The following NR3C1 variants were observed in gnomAD, a reference collection of about 807,000 sequenced individuals.
NR3C1 encodes nuclear receptor subfamily 3 group C member 1.
A neutral mutation model predicts 74.0 loss-of-function variants in NR3C1; 14 were observed. The ratio of observed to expected loss-of-function variants is 0.19; its 90% CI spans 0.12 to 0.30. NR3C1 has a LOEUF of 0.30. Among genes scored for constraint, NR3C1 ranks in the 10% least tolerant of loss-of-function variants. The probability of loss-of-function intolerance (pLI) is 1.00; values close to 1 mark genes in which losing one functional copy is unlikely to be tolerated. For synonymous variants in NR3C1, 308 were observed against 332.5 expected (o/e 0.93, Z 0.80); for missense variants, 695 against 909.8 (o/e 0.76, Z 3.04).
intron 2 of NR3C1, among the ~76,000 whole-genome samples, chr5:143,348,563 A>C (rs1015165609): frequency 6.6e-6 from 1 of 152,140 alleles, no homozygotes; most frequent in Admixed American, 6.6e-5. Context: ...TGTCCTTTTC[A>C]TGGTAAATTT....
intron 7 of NR3C1, among the ~76,000 whole-genome samples, chr5:143,284,098 G>A (rs771001252): frequency 3.0e-4 from 46 of 152,054 alleles, no homozygotes; most frequent in Non-Finnish European, 5.0e-4. Context: ...TTTTTTTCCC[G>A]AGACAGAGTC....
chr5:143,291,065 A>G (rs1005652704), intron 7 of NR3C1, among the ~76,000 whole-genome samples: 2 of 151,736 alleles, frequency 1.3e-5, no homozygotes, highest in Non-Finnish European at 2.9e-5. Flanking sequence ...TGCATACCCT[A>G]TTTCTAGTTG....
chr5:143,395,384 T>C (rs1174480710), intron 2 of NR3C1, among the ~76,000 whole-genome samples: 1 of 151,890 alleles, frequency 6.6e-6, no homozygotes, highest in Admixed American at 6.6e-5. Flanking sequence ...TTTTTTTTTG[T>C]AGTTATAGCT....
At chr5:143,409,452 G>A (rs532911127) in intron 1 of NR3C1, among the ~76,000 whole-genome samples, 6 of 152,176 alleles carry the variant, frequency 3.9e-5, no homozygotes, top group East Asian at 3.9e-4. Context: ...CCATGTATAC[G>A]TGTATTGTGT....
chr5:143,377,672 T>C (rs1321653282), intron 2 of NR3C1, among the ~76,000 whole-genome samples: 11 of 152,250 alleles, frequency 7.2e-5, no homozygotes, highest in Admixed American at 2.0e-4. Flanking sequence ...TGATACACCC[T>C]ATCAGCAGGC....
chr5:143,374,363 G>GC (rs1288348334), intron 2 of NR3C1, among the ~76,000 whole-genome samples: 2 of 152,038 alleles, frequency 1.3e-5, no homozygotes, highest in African/African-American at 2.4e-5. Context: ...GCGGTGGCAG[G>GC]CCCTGTAGTC....
intron 1 of NR3C1, among the ~76,000 whole-genome samples, chr5:143,428,132 C>T (rs940395374): frequency 2.0e-5 from 3 of 152,130 alleles, no homozygotes; most frequent in Non-Finnish European, 2.9e-5. Context: ...GACTTACAGG[C>T]GAATAGATTC....
At chr5:143,385,516 G>A (rs1021811897) in intron 2 of NR3C1, among the ~76,000 whole-genome samples, 9 of 152,126 alleles carry the variant, frequency 5.9e-5, no homozygotes, top group African/African-American at 2.2e-4. Flanking sequence ...ATGTTGTTAG[G>A]AGCAGCCAGG....
At chr5:143,346,433 TA>T (rs1829299886) in intron 2 of NR3C1, among the ~76,000 whole-genome samples, 1 of 152,234 alleles carries the variant, frequency 6.6e-6, no homozygotes, top group Admixed American at 6.5e-5. Flanking sequence ...TCTAGCCTTT[TA>T]ACAAAGTCAG....
At chr5:143,332,914 C>T in intron 2 of NR3C1, 2 of 1,531,700 alleles carry the variant, frequency 1.3e-6, no homozygotes, top group African/African-American at 2.7e-5. Context: ...CCTTATGTGA[C>T]CTGGGGATTT....
chr5:143,297,752 A>G (rs1398478953), intron 6 of NR3C1, among the ~76,000 whole-genome samples: 3 of 152,252 alleles, frequency 2.0e-5, no homozygotes, highest in Non-Finnish European at 4.4e-5. Flanking sequence ...CAAGGTAGAA[A>G]GTGAGAGTAA....
chr5:143,330,189 TTAAA>T lies in NR3C1; in HGVS notation c.1185-16025_1185-16022del, dbSNP rs374159567. ...TTGCTAACATTTTAGAAACTGTATG[TTAAA>T]TAAAGAAGAAACATTTAAAGCAAGT... is the stretch of plus-strand genomic sequence containing the variant. On this transcript the variant is annotated intron_variant, in intron 2 of 8. Transcript: ENST00000394464. 3.2e-4 allele frequency among the ~76,000 whole-genome samples: 48 copies of T among 152,298 alleles called. No individual in the cohort carries two copies. The East Asian group carries it at 6.5e-3, about 21-fold the overall frequency.
At chr5:143,293,545 C>T (rs1383568834) in intron 7 of NR3C1, among the ~76,000 whole-genome samples, 1 of 152,120 alleles carries the variant, frequency 6.6e-6, no homozygotes, top group Non-Finnish European at 1.5e-5. Flanking sequence ...AGATTATAAA[C>T]TTAAAAAAAC....
At chr5:143,295,184 G>T in intron 7 of NR3C1, 1 of 985,320 alleles carries the variant, frequency 1.0e-6, no homozygotes, top group Non-Finnish European at 1.2e-6. Context: ...AAAGATCAAA[G>T]GAAGGAAGGA....
At chr5:143,382,876 C>G (rs1346097071) in intron 2 of NR3C1, among the ~76,000 whole-genome samples, 1 of 152,216 alleles carries the variant, frequency 6.6e-6, no homozygotes, top group African/African-American at 2.4e-5. Context: ...ATCCCTATAT[C>G]TAATCCTTTC....
At chr5:143,291,366 C>T (rs1446310150) in intron 7 of NR3C1, among the ~76,000 whole-genome samples, 2 of 152,202 alleles carry the variant, frequency 1.3e-5, no homozygotes, top group Admixed American at 6.5e-5. Flanking sequence ...GCTGGGACTA[C>T]AGGCGCGCAC....
intron 2 of NR3C1, among the ~76,000 whole-genome samples, chr5:143,381,646 AT>A (rs973450971): frequency 1.3e-5 from 2 of 152,150 alleles, no homozygotes; most frequent in African/African-American, 4.8e-5. Flanking sequence ...CAGTGAACTC[AT>A]TTTCAGCAAA....
rs114844253 is a variant in NR3C1 at position 143,386,224 on chromosome 5, C to T, written c.1184+13432G>A. ...CTGCCTCCAGGATTCAATCACCTTT[C>T]ACCAGGCCCCTCCCCTGATATGTGA... On this transcript the variant is annotated intron_variant, in intron 2 of 8. Coordinates refer to ENST00000394464, the MANE Select transcript of NR3C1 (RefSeq NM_000176.3). Among the ~76,000 whole-genome samples, 1,116 of 152,308 alleles carry T rather than the reference C, an allele frequency of 7.3e-3. 12 individuals are homozygous for T. Among genetic ancestry groups the T allele is most frequent in the African/African-American group, 0.025 (1,025 of 41,566 alleles).
upstream of NR3C1, among the ~76,000 whole-genome samples, chr5:143,408,150 T>C (rs1404736049): frequency 6.6e-6 from 1 of 152,214 alleles, no homozygotes; most frequent in Admixed American, 6.5e-5. Context: ...ATGTCTTCTT[T>C]AGTGTGTGTA....
Sources: allele counts gnomAD v4.1 joint callset (sites outside exome capture counted in the v4.1 genomes callset), GRCh38; gene constraint gnomAD v4.1.1; transcripts MANE v1.5; gene names NCBI Gene and HGNC (gene_info 2026-07-23, HGNC 2026-07-21).